Variants in GMDS observed in about 807,000 individuals in gnomAD.
The protein encoded by GMDS is GDP-mannose 4,6-dehydratase.
Under a neutral mutation model 49.9 loss-of-function variants are expected in GMDS, and 20 were observed. The ratio of observed to expected loss-of-function variants is 0.40; its 90% CI spans 0.28 to 0.58. The LOEUF is 0.58. Among genes scored for constraint, GMDS ranks in the 20% least tolerant of loss-of-function variants. The pLI is 0.42. For missense variants in GMDS, 362 were observed against 481.4 expected (o/e 0.75, Z 2.32); for synonymous variants, 177 against 178.6 (o/e 0.99, Z 0.07).
chr6:1,745,224 G>A (rs1038882452), intron 7 of GMDS, among the ~76,000 whole-genome samples: 3 of 152,188 alleles, frequency 2.0e-5, no homozygotes, highest in African/African-American at 7.2e-5. Flanking sequence ...GAAACAGTCC[G>A]CTGTGTTAGA....
At chr6:1,644,289 C>T (rs565240486) in intron 9 of GMDS, among the ~76,000 whole-genome samples, 1 of 152,332 alleles carries the variant, frequency 6.6e-6, no homozygotes, top group African/African-American at 2.4e-5. Flanking sequence ...GTGACTAGGG[C>T]CTGTCAGGTG....
intron 7 of GMDS, among the ~76,000 whole-genome samples, chr6:1,821,613 T>G (rs1268757889): frequency 3.1e-4 from 1 of 3,230 alleles, no homozygotes; most frequent in Admixed American, 5.0e-3. Flanking sequence ...ATTTATTTGT[T>G]TTTTTTTTTT....
chr6:2,162,113 A>G (rs144391909), intron 1 of GMDS, among the ~76,000 whole-genome samples: 2 of 152,334 alleles, frequency 1.3e-5, no homozygotes, highest in East Asian at 3.9e-4. Flanking sequence ...ATAGACAAAA[A>G]TCTCTTGAGA....
chr6:1,688,157 G>A (rs4461777), intron 9 of GMDS, among the ~76,000 whole-genome samples: 79,098 of 151,904 alleles, frequency 0.52, 20,923 homozygotes, highest in Middle Eastern at 0.65. Context: ...TGAGTGAACC[G>A]TTCGCTGATG....
At chr6:1,708,260 C>G (rs1055121399) in intron 9 of GMDS, among the ~76,000 whole-genome samples, 4 of 152,168 alleles carry the variant, frequency 2.6e-5, no homozygotes, top group African/African-American at 9.7e-5. Context: ...GGAAACAACT[C>G]GAAGGCTGTA....
At chr6:2,076,074 C>T (rs913616877) in intron 4 of GMDS, among the ~76,000 whole-genome samples, 1 of 152,178 alleles carries the variant, frequency 6.6e-6, no homozygotes, top group African/African-American at 2.4e-5. Flanking sequence ...AGTGTCTGTT[C>T]ATATCCTTCG....
chr6:1,989,382 A>T (rs1488035229), intron 4 of GMDS, among the ~76,000 whole-genome samples: 1 of 152,116 alleles, frequency 6.6e-6, no homozygotes, highest in Non-Finnish European at 1.5e-5. Context: ...GGTCAAGGTC[A>T]GGGAAAAAAG....
chr6:2,245,536 G>A lies in GMDS; in HGVS notation c.-114C>T, dbSNP rs375016764. On this transcript the variant is annotated 5_prime_UTR_variant, in exon 1 of 11. Transcript: ENST00000380815. ...GAAGCGCCTCTCCAGGCTGCGGGCA[G>A]GGAGGGAGAGCGCACCGCGCGACCG... The A allele has an allele frequency of 2.1e-5, 11 of 515,430 alleles. No individual in the cohort carries two copies. Among genetic ancestry groups the A allele is most frequent in the South Asian group, 1.8e-4 (4 of 22,576 alleles). 31.9% of individuals were successfully genotyped at this position (515,430 alleles called of 1,614,324 possible).
chr6:1,740,671 CAAGAG>C (rs922566721), intron 8 of GMDS, among the ~76,000 whole-genome samples: 1 of 146,814 alleles, frequency 6.8e-6, no homozygotes, highest in African/African-American at 2.4e-5. Flanking sequence ...TTTCAGTCCA[CAAGAG>C]AAGAAGGCCA....
chr6:2,001,889 A>T (rs1277646906), intron 4 of GMDS, among the ~76,000 whole-genome samples: 1 of 152,126 alleles, frequency 6.6e-6, no homozygotes, highest in African/African-American at 2.4e-5. Flanking sequence ...ACTTAACTCA[A>T]ATGGATCTAA....
intron 1 of GMDS, among the ~76,000 whole-genome samples, chr6:2,234,839 G>A (rs1581839877): frequency 6.6e-6 from 1 of 152,146 alleles, no homozygotes; most frequent in Non-Finnish European, 1.5e-5. Context: ...CGGTCACTCA[G>A]TGAGTAAATT....
chr6:1,999,968 T>TA (rs1766601912), intron 4 of GMDS, among the ~76,000 whole-genome samples: 1 of 23,944 alleles, frequency 4.2e-5, no homozygotes, highest in African/African-American at 1.7e-4. Context: ...ATTATATATA[T>TA]ATTATATATA....
intron 4 of GMDS, among the ~76,000 whole-genome samples, chr6:1,977,387 C>G (rs1581451663): frequency 6.6e-6 from 1 of 152,162 alleles, no homozygotes; most frequent in Admixed American, 6.5e-5. Flanking sequence ...GGATGCCACA[C>G]AAGTATCTAG....
intron 7 of GMDS, among the ~76,000 whole-genome samples, chr6:1,908,020 C>G (rs1251223329): frequency 1.3e-5 from 2 of 152,140 alleles, no homozygotes; most frequent in African/African-American, 4.8e-5. Context: ...AACAATATGC[C>G]AGCATCAAAA....
chr6:1,872,728 C>T (rs1042497505), intron 7 of GMDS, among the ~76,000 whole-genome samples: 6 of 152,390 alleles, frequency 3.9e-5, no homozygotes, highest in Non-Finnish European at 5.9e-5. Flanking sequence ...TATAGATGCG[C>T]TCAAGCTGTC....
chr6:1,688,211 C>T (rs566771545), intron 9 of GMDS, among the ~76,000 whole-genome samples: 1 of 152,138 alleles, frequency 6.6e-6, no homozygotes, highest in Non-Finnish European at 1.5e-5. Context: ...TCAATGTTGA[C>T]TCTGATGCTT....
intron 7 of GMDS, among the ~76,000 whole-genome samples, chr6:1,758,223 C>T (rs1274406180): frequency 3.3e-5 from 5 of 152,368 alleles, no homozygotes; most frequent in African/African-American, 9.6e-5. Flanking sequence ...CTCCACAGCA[C>T]GGCTGGAGGA....
chr6:2,218,424 T>C (rs1780434746), intron 1 of GMDS, among the ~76,000 whole-genome samples: 2 of 152,162 alleles, frequency 1.3e-5, no homozygotes, highest in African/African-American at 2.4e-5. Flanking sequence ...CCACCGGAAG[T>C]GAAAAATTAG....
intron 9 of GMDS, among the ~76,000 whole-genome samples, chr6:1,646,444 G>T (rs1763487931): frequency 1.3e-5 from 2 of 152,144 alleles, no homozygotes; most frequent in African/African-American, 4.8e-5. Flanking sequence ...TTTGAGACAG[G>T]GTCTGGCTCT....
Sources: gnomAD v4.1 joint callset for allele counts (sites outside exome capture counted in the v4.1 genomes callset) on GRCh38, gnomAD v4.1.1 for gene constraint, MANE v1.5 for transcripts, NCBI Gene and HGNC (gene_info 2026-07-23, HGNC 2026-07-21) for gene names.